The following DIP2C variants were observed in gnomAD, a reference collection of about 807,000 sequenced individuals.
DIP2C encodes disco-interacting protein 2 homolog C.
A neutral mutation model predicts 192.4 loss-of-function variants in DIP2C; 33 were observed. The observed-to-expected ratio is 0.17, with a 90% confidence interval of 0.13 to 0.23. The LOEUF (loss-of-function observed/expected upper bound fraction) is 0.23. Ranked by LOEUF, DIP2C falls within the 10% of genes least tolerant of loss-of-function variation. DIP2C has a pLI of 1.00. For missense variants in DIP2C, 1,537 were observed against 2,110.1 expected, an observed-to-expected ratio of 0.73 and a Z score of 5.32; for synonymous variants, 979 against 864.1, an observed-to-expected ratio of 1.13 and a Z score of -2.33.
chr10:480,871 C>A (rs537117891), intron 2 of DIP2C, among the ~76,000 whole-genome samples: 4 of 152,212 alleles, frequency 2.6e-5, no homozygotes, highest in African/African-American at 7.2e-5. Context: ...ACTACAGCAA[C>A]GCGGTCTAGA....
intron 9 of DIP2C, among the ~76,000 whole-genome samples, chr10:400,561 T>C (rs527883444): frequency 2.0e-5 from 3 of 151,856 alleles, no homozygotes; most frequent in African/African-American, 7.2e-5. Flanking sequence ...TTTACACGTG[T>C]GGTAGCATTA....
chr10:303,723 A>C (rs889004404), intron 32 of DIP2C, among the ~76,000 whole-genome samples: 2 of 151,974 alleles, frequency 1.3e-5, no homozygotes, highest in African/African-American at 4.8e-5. Flanking sequence ...GGGTTCCTCC[A>C]TGTTGGTCAG....
chr10:555,026 C>A (rs1848769895), intron 1 of DIP2C, among the ~76,000 whole-genome samples: 1 of 152,152 alleles, frequency 6.6e-6, no homozygotes, highest in African/African-American at 2.4e-5. Context: ...ACTTCATATA[C>A]TGACCCCAAG....
intron 1 of DIP2C, among the ~76,000 whole-genome samples, chr10:508,695 G>A (rs970563799): frequency 6.6e-6 from 1 of 152,068 alleles, no homozygotes; most frequent in Non-Finnish European, 1.5e-5. Flanking sequence ...GTCAACGTAA[G>A]AAAAAAGCCT....
At chr10:413,041 G>A (rs1965287700) in intron 8 of DIP2C, among the ~76,000 whole-genome samples, 1 of 152,174 alleles carries the variant, frequency 6.6e-6, no homozygotes, top group African/African-American at 2.4e-5. Flanking sequence ...CTGGAGTGCT[G>A]TGACACAATC....
At position 302,035 on chromosome 10, in the gene DIP2C, A is replaced by AC. The variant is rs1386042061; in HGVS notation, c.3986+7995dup. Among the ~76,000 whole-genome samples, 4 of 152,300 alleles carry AC rather than the reference A, an allele frequency of 2.6e-5. No homozygotes were observed. In the East Asian group the frequency reaches 7.7e-4, roughly 29 times the overall value. On this transcript the variant is annotated intron_variant, in intron 32 of 36. Coordinates refer to ENST00000280886, the MANE Select transcript of DIP2C (RefSeq NM_014974.3). Reference sequence around the variant, plus strand: ...AATTGTGAAAGCCCTACTGTCCCTTACCCGATGATCATCTCAAGTTGGGTT... The same window carrying AC: ...AATTGTGAAAGCCCTACTGTCCCTTACCCCGATGATCATCTCAAGTTGGGTT...
chr10:642,388 GC>G (rs1004309718), intron 1 of DIP2C, among the ~76,000 whole-genome samples: 10 of 152,228 alleles, frequency 6.6e-5, no homozygotes, highest in Admixed American at 5.9e-4. Context: ...GGGCCACATC[GC>G]CCTAAACACG....
chr10:587,687 T>A (rs1233852442), intron 1 of DIP2C, among the ~76,000 whole-genome samples: 1 of 124,824 alleles, frequency 8.0e-6, no homozygotes, highest in Non-Finnish European at 1.6e-5. Context: ...AAACCCCACA[T>A]CCACACCAGG....
At chr10:630,036 G>A (rs989857897) in intron 1 of DIP2C, 3 of 152,288 alleles carry the variant, frequency 2.0e-5, no homozygotes, top group South Asian at 2.1e-4. Flanking sequence ...AAGATAATTC[G>A]CTTTCTCATC....
intron 23 of DIP2C, 86 bp from the exon 24 acceptor site, chr10:356,592 C>A: frequency 1.8e-6 from 2 of 1,112,656 alleles, no homozygotes; most frequent in Non-Finnish European, 2.6e-6. Context: ...GATACTCAAA[C>A]CCATAGAGGC....
intron 12 of DIP2C, 84 bp from the exon 13 acceptor site, chr10:390,177 A>G: frequency 6.3e-7 from 1 of 1,587,536 alleles, no homozygotes. Context: ...CAAGTCCCTG[A>G]ATTTTGGCAC....
At chr10:556,663 C>T (rs2130973366) in intron 1 of DIP2C, among the ~76,000 whole-genome samples, 1 of 152,146 alleles carries the variant, frequency 6.6e-6, no homozygotes, top group South Asian at 2.1e-4. Flanking sequence ...GGGGCCTGGC[C>T]CTGCATCCTG....
At chr10:678,925 G>A (rs186871933) in intron 1 of DIP2C, among the ~76,000 whole-genome samples, 4 of 1,260 alleles carry the variant, frequency 3.2e-3, no homozygotes, top group African/African-American at 4.0e-3. Context: ...CATGCTCCCC[G>A]CACCCATGCT....
chr10:551,242 A>C (rs1260582377), intron 1 of DIP2C, among the ~76,000 whole-genome samples: 1 of 152,062 alleles, frequency 6.6e-6, no homozygotes, highest in Non-Finnish European at 1.5e-5. Context: ...AACATCGTCC[A>C]CGTACCATGC....
chr10:451,491 GTCTT>G (rs1022798652), intron 3 of DIP2C, among the ~76,000 whole-genome samples: 22 of 152,090 alleles, frequency 1.4e-4, no homozygotes, highest in African/African-American at 4.8e-4. Flanking sequence ...TTTCTATGTG[GTCTT>G]TCTTTTTGCC....
chr10:394,927 C>T lies in DIP2C; in HGVS notation c.1261-4064G>A, dbSNP rs138964646. Among the ~76,000 whole-genome samples, 919 of 143,902 alleles carry T rather than the reference C, an allele frequency of 6.4e-3. 3 individuals carry two copies. Among genetic ancestry groups the T allele is most frequent in the Middle Eastern group, 0.015 (4 of 260 alleles). 94.4% of individuals were successfully genotyped at this position (143,902 alleles called of 152,430 possible). On this transcript the variant is annotated intron_variant, in intron 10 of 36. Coordinates refer to ENST00000280886, the MANE Select transcript of DIP2C (RefSeq NM_014974.3). ...GACCGTATGCTGAACAGGAAGGACA[C>T]TGTGCCACACAGTGGGCACTATTCA...
At chr10:613,293 G>T (rs937776598) in intron 1 of DIP2C, among the ~76,000 whole-genome samples, 2 of 152,232 alleles carry the variant, frequency 1.3e-5, no homozygotes, top group African/African-American at 4.8e-5. Context: ...CTCGGCCTCC[G>T]CCTCCCACCT....
intron 1 of DIP2C, among the ~76,000 whole-genome samples, chr10:628,195 C>A (rs1240434150): frequency 6.6e-6 from 1 of 152,202 alleles, no homozygotes; most frequent in East Asian, 1.9e-4. Flanking sequence ...TGCTCTTCGT[C>A]ACATTGCTGA....
At chr10:353,347 G>C (rs1393910664) in intron 24 of DIP2C, among the ~76,000 whole-genome samples, 1 of 152,168 alleles carries the variant, frequency 6.6e-6, no homozygotes, top group Non-Finnish European at 1.5e-5. Flanking sequence ...GAAGGTATAA[G>C]TTAAAAAAGG....
Sources: allele counts gnomAD v4.1 joint callset (sites outside exome capture counted in the v4.1 genomes callset), GRCh38; gene constraint gnomAD v4.1.1; transcripts MANE v1.5; gene names NCBI Gene and HGNC (gene_info 2026-07-23, HGNC 2026-07-21).